The following ST3GAL1 variants were observed in gnomAD, a reference collection of about 807,000 sequenced individuals.
ST3GAL1 encodes the protein ST3 beta-galactoside alpha-2,3-sialyltransferase 1.
ST3GAL1 carries 16 observed loss-of-function variants against 34.1 expected under a neutral mutation model. The ratio of observed to expected loss-of-function variants is 0.47; its 90% CI spans 0.32 to 0.71. The LOEUF is 0.71. ST3GAL1 is among the 30% of genes least tolerant of loss of function. The probability of loss-of-function intolerance (pLI) is 0.04; values close to 1 mark genes in which losing one functional copy is unlikely to be tolerated. For missense variants in ST3GAL1, 353 were observed against 447.4 expected, an observed-to-expected ratio of 0.79 and a Z score of 1.90; for synonymous variants, 191 against 184.7, an observed-to-expected ratio of 1.03 and a Z score of -0.28.
chr8:133,463,264 C>T, intron 8 of ST3GAL1, 150 bp downstream of exon 8: 1 of 845,724 alleles, frequency 1.2e-6, no homozygotes, highest in Non-Finnish European at 1.9e-6. Context: ...TGTTTGACCT[C>T]TTCCCCCAGG....
intron 2 of ST3GAL1, among the ~76,000 whole-genome samples, chr8:133,525,521 G>A (rs1303248237): frequency 1.3e-5 from 2 of 152,156 alleles, no homozygotes; most frequent in African/African-American, 4.8e-5. Flanking sequence ...GTTGAAGGTG[G>A]TGTTTCACCT....
In ST3GAL1 at chr8:133,467,078, G is replaced by A. The variant is rs1268728007; in HGVS notation, c.307-988C>T. Among the ~76,000 whole-genome samples the A allele has an allele frequency of 1.3e-5, 2 of 149,328 alleles. No individual in the cohort carries two copies. Among genetic ancestry groups the A allele is most frequent in the African/African-American group, 5.0e-5 (2 of 40,340 alleles). On this transcript the variant is annotated intron_variant, in intron 5 of 9. Transcript: ENST00000522652. This position sits in a 1 kb window ranked among gnomAD's most constrained non-coding sequence, Gnocchi z 4.2. ...CCACTGCACTTCAGCCTGGGTGACA[G>A]AGCGAGACTCCAACTCGAAAAAAAA... is the stretch of plus-strand genomic sequence containing the variant.
At chr8:133,485,625 G>A (rs997184508) in intron 3 of ST3GAL1, among the ~76,000 whole-genome samples, 1 of 152,208 alleles carries the variant, frequency 6.6e-6, no homozygotes, top group Non-Finnish European at 1.5e-5. Context: ...GTGCACCAGG[G>A]CTAAAGAAAA....
rs138404597 is a variant in ST3GAL1, at chr8:133,476,768, G to A, written c.-373-168C>T. On this transcript the variant is annotated intron_variant, in intron 3 of 9. Coordinates refer to ENST00000522652, the MANE Select transcript of ST3GAL1 (RefSeq NM_173344.3). ...TATCTACCTTTGTGAGCCTGAGTGC[G>A]TGCATACAATGGATGTTATCATCTC... Among the ~76,000 whole-genome samples the A allele has an allele frequency of 2.8e-4, 43 of 152,258 alleles. 1 individual carries two copies. The highest frequency in any genetic ancestry group is 7.9e-4 in the African/African-American group (33 of 41,538).
chr8:133,474,933 ATCTC>A (rs928210360), intron 5 of ST3GAL1, among the ~76,000 whole-genome samples: 15 of 152,154 alleles, frequency 9.9e-5, no homozygotes, highest in African/African-American at 3.6e-4. Flanking sequence ...GAGAATAAGG[ATCTC>A]TCTCTCTTTT....
chr8:133,547,405 A>G (rs900924564), intron 1 of ST3GAL1, among the ~76,000 whole-genome samples: 1 of 152,078 alleles, frequency 6.6e-6, no homozygotes, highest in African/African-American at 2.4e-5. Context: ...AGTAGCTGGA[A>G]CTACAGGTTC....
rs1270991582 is a variant in ST3GAL1 at position 133,469,013 on chromosome 8, C to A, written c.307-2923G>T. Among the ~76,000 whole-genome samples the A allele has an allele frequency of 6.6e-6, 1 of 152,152 alleles. No individual in the cohort carries two copies. Among genetic ancestry groups the A allele is most frequent in the Non-Finnish European group, 1.5e-5 (1 of 68,036 alleles). On this transcript the variant is annotated intron_variant, in intron 5 of 9. Transcript: ENST00000522652. The surrounding 1 kb of genome is among the most constrained non-coding windows in gnomAD (Gnocchi z 4.3). ...CCGCTACTTTGATTTGGGAGCCTGG[C>A]ACCGTGTATCCATCATGCAGTGACA... is the stretch of plus-strand genomic sequence containing the variant.
At chr8:133,486,910 A>AT (rs1816624738) in intron 3 of ST3GAL1, among the ~76,000 whole-genome samples, 1 of 152,230 alleles carries the variant, frequency 6.6e-6, no homozygotes, top group African/African-American at 2.4e-5. Flanking sequence ...AATTGAACAA[A>AT]TTAATGACTA....
At chr8:133,477,312 TA>T (rs1232888311) in intron 3 of ST3GAL1, among the ~76,000 whole-genome samples, 1 of 152,244 alleles carries the variant, frequency 6.6e-6, no homozygotes, top group Non-Finnish European at 1.5e-5. Flanking sequence ...AATGAATCAA[TA>T]TTCTCTGATG....
At chr8:133,472,633 G>A (rs556750809) in intron 5 of ST3GAL1, among the ~76,000 whole-genome samples, 9 of 152,100 alleles carry the variant, frequency 5.9e-5, no homozygotes, top group South Asian at 2.1e-4. Flanking sequence ...TGTGGTTTCC[G>A]TATTATCTGT....
At chr8:133,551,598 GAAAGAA>G (rs1563739167) in intron 1 of ST3GAL1, among the ~76,000 whole-genome samples, 1 of 150,596 alleles carries the variant, frequency 6.6e-6, no homozygotes, top group Non-Finnish European at 1.5e-5. Flanking sequence ...AAGAAAGAAA[GAAAGAA>G]AGAAAGAAAG....
intron 2 of ST3GAL1, among the ~76,000 whole-genome samples, chr8:133,516,865 C>T (rs978715654): frequency 6.6e-6 from 1 of 152,222 alleles, no homozygotes; most frequent in African/African-American, 2.4e-5. Flanking sequence ...TCTAAGAACA[C>T]CAGGTCAAGG....
At chr8:133,501,210 C>T (rs899715461) in intron 2 of ST3GAL1, among the ~76,000 whole-genome samples, 9 of 152,134 alleles carry the variant, frequency 5.9e-5, no homozygotes, top group African/African-American at 2.2e-4. Flanking sequence ...AAGAGTTCAC[C>T]CCAAGCCTAG....
chr8:133,558,760 T>C (rs1819132546), intron 1 of ST3GAL1, among the ~76,000 whole-genome samples: 1 of 152,224 alleles, frequency 6.6e-6, no homozygotes, highest in Admixed American at 6.5e-5. Flanking sequence ...TTCTCCTTGT[T>C]TGGATTTCTG....
At chr8:133,559,439 A>C (rs767109309) in intron 1 of ST3GAL1, among the ~76,000 whole-genome samples, 1 of 152,180 alleles carries the variant, frequency 6.6e-6, no homozygotes, top group Non-Finnish European at 1.5e-5. Flanking sequence ...TGAAAGAAAG[A>C]ACGATGGTAC....
At position 133,463,404 on chromosome 8, in the gene ST3GAL1, CT is replaced by C. The variant is rs763549294; in HGVS notation, c.729+9del. On this transcript the variant is annotated intron_variant, in intron 8 of 9. Transcript: ENST00000522652. Reference sequence around the variant, plus strand: ...GAACTTAGAACAGAGGGGCCGGGGCCTCCACTCACCTTATCCTGTTTCACTC... The same window carrying C: ...GAACTTAGAACAGAGGGGCCGGGGCCCCACTCACCTTATCCTGTTTCACTC... The C allele has an allele frequency of 2.5e-6, 4 of 1,613,802 alleles. No homozygotes were observed. In the African/African-American group the frequency reaches 5.3e-5, roughly 22 times the overall value.
chr8:133,517,619 G>T (rs900601021), intron 2 of ST3GAL1, among the ~76,000 whole-genome samples: 2 of 152,212 alleles, frequency 1.3e-5, no homozygotes, highest in Admixed American at 1.3e-4. Context: ...CCAAGTGCTG[G>T]GATTACAGGC....
rs1466934832 is a variant in ST3GAL1 at position 133,570,492 on chromosome 8, G to A, written c.-582+1201C>T. 2 of 152,102 alleles carry A rather than the reference G, an allele frequency of 1.3e-5. No individual in the cohort carries two copies. Among genetic ancestry groups the A allele is most frequent in the East Asian group, 1.9e-4 (1 of 5,172 alleles). The allele number at this position is 152,102 out of a possible 1,614,324, so 9.4% of individuals were successfully genotyped here. A position where few individuals can be genotyped will look rare whatever the true frequency, so the allele number is the denominator to read the frequency against. ...CAACACACCACCGAGCCCCGCGCAT[G>A]GTACGGCCGCCGAGGACCCTAGCGT... is the stretch of plus-strand genomic sequence containing the variant. On this transcript the variant is annotated intron_variant, in intron 1 of 9. Coordinates refer to ENST00000522652, the MANE Select transcript of ST3GAL1 (RefSeq NM_173344.3). The surrounding 1 kb of genome is among the most constrained non-coding windows in gnomAD (Gnocchi z 5.6).
intron 3 of ST3GAL1, among the ~76,000 whole-genome samples, chr8:133,483,930 C>T (rs575506188): frequency 7.2e-4 from 109 of 152,294 alleles, no homozygotes; most frequent in Non-Finnish European, 1.0e-3. Context: ...TCCAATCAGT[C>T]TTTTTTCCCA....
Sources: gnomAD v4.1 joint callset for allele counts (sites outside exome capture counted in the v4.1 genomes callset) on GRCh38, gnomAD v4.1.1 for gene constraint, Gnocchi (gnomAD v3.1) non-coding constraint, MANE v1.5 for transcripts, NCBI Gene and HGNC (gene_info 2026-07-23, HGNC 2026-07-21) for gene names.